Variants in WWOX observed in about 807,000 individuals in gnomAD.
WWOX encodes the protein WW domain containing oxidoreductase.
A neutral mutation model predicts 46.2 loss-of-function variants in WWOX; 69 were observed. The observed-to-expected ratio is 1.49, with a 90% CI of 1.23 to 1.82. The LOEUF (loss-of-function observed/expected upper bound fraction) is 1.82, where lower values mean the gene tolerates loss of function less well. Among genes scored for constraint, WWOX ranks in the 40% most tolerant of loss-of-function variants. The pLI is 0.00. For missense variants in WWOX, 919 were observed against 542.6 expected, an observed-to-expected ratio of 1.69 and a Z score of -6.89; for synonymous variants, 359 against 202.6, an observed-to-expected ratio of 1.77 and a Z score of -6.56.
At chr16:79,019,081 C>G (rs942809878) in intron 8 of WWOX, among the ~76,000 whole-genome samples, 3 of 139,572 alleles carry the variant, frequency 2.1e-5, no homozygotes, top group Non-Finnish European at 4.5e-5. Context: ...TCGCTTGAAC[C>G]TAGGAGGCAG....
chr16:79,096,814 A>G (rs1390360436), intron 8 of WWOX, among the ~76,000 whole-genome samples: 1 of 152,138 alleles, frequency 6.6e-6, no homozygotes, highest in Non-Finnish European at 1.5e-5. Flanking sequence ...TGATCTTAAT[A>G]CAGAAATTGA....
intron 5 of WWOX, among the ~76,000 whole-genome samples, chr16:78,354,369 A>G (rs1260386530): frequency 6.9e-6 from 1 of 145,260 alleles, no homozygotes; most frequent in Admixed American, 6.9e-5. Context: ...TAGACTTTGC[A>G]CATATTGTCA....
chr16:78,391,005 G>A (rs1355355942), intron 6 of WWOX, among the ~76,000 whole-genome samples: 1 of 152,162 alleles, frequency 6.6e-6, no homozygotes, highest in Non-Finnish European at 1.5e-5. Flanking sequence ...CATCTCAAGT[G>A]TTTCTCCACA....
At chr16:79,066,821 G>A (rs75198319) in intron 8 of WWOX, among the ~76,000 whole-genome samples, 1,631 of 152,322 alleles carry the variant, frequency 0.011, 18 homozygotes, top group Non-Finnish European at 0.016. Flanking sequence ...AATGTGGCTT[G>A]TCACCATTTT....
intron 5 of WWOX, among the ~76,000 whole-genome samples, chr16:78,255,948 G>A (rs1348658615): frequency 6.6e-6 from 1 of 151,904 alleles, no homozygotes; most frequent in Non-Finnish European, 1.5e-5. Flanking sequence ...TAAGGGGTTT[G>A]AGACCAGCCT....
At chr16:78,763,372 G>C (rs556753541) in intron 8 of WWOX, among the ~76,000 whole-genome samples, 3 of 152,122 alleles carry the variant, frequency 2.0e-5, no homozygotes, top group African/African-American at 7.2e-5. Context: ...ACTTGTTTCT[G>C]TTCATCCAGA....
intron 6 of WWOX, among the ~76,000 whole-genome samples, chr16:78,415,078 T>G (rs2082767968): frequency 7.0e-6 from 1 of 143,808 alleles, no homozygotes; most frequent in South Asian, 2.1e-4. Context: ...TATTTTAATA[T>G]AATATATATA....
At chr16:78,598,995 G>C (rs2045558895) in intron 8 of WWOX, among the ~76,000 whole-genome samples, 2 of 152,176 alleles carry the variant, frequency 1.3e-5, no homozygotes, top group Non-Finnish European at 2.9e-5. Flanking sequence ...GGCAGGGTCG[G>C]CATTGAGGTC....
intron 8 of WWOX, among the ~76,000 whole-genome samples, chr16:78,866,265 T>C (rs1157424689): frequency 1.3e-5 from 2 of 152,076 alleles, no homozygotes; most frequent in African/African-American, 4.8e-5. Context: ...TGCCTCGCTG[T>C]GCCACCAGGA....
chr16:78,594,327 T>G (rs759654008), intron 8 of WWOX, among the ~76,000 whole-genome samples: 1 of 149,998 alleles, frequency 6.7e-6, no homozygotes, highest in Non-Finnish European at 1.5e-5. Flanking sequence ...AGCAATACTC[T>G]CCAGCAGCAA....
Position 79,023,568 on chromosome 16 carries a change from C to G in WWOX, c.1057-188040C>G, listed in dbSNP as rs926394105. Among the ~76,000 whole-genome samples, 3 of 152,222 alleles carry G rather than the reference C, an allele frequency of 2.0e-5. No homozygotes were observed. In the East Asian group the frequency reaches 5.8e-4, roughly 29 times the overall value. On this transcript the variant is annotated intron_variant, in intron 8 of 8. Coordinates refer to ENST00000566780, the MANE Select transcript of WWOX (RefSeq NM_016373.4). Reference sequence around the variant, plus strand: ...GAGGACAGTGACCATCCACCACAGGCAAACATGTGTGTGTTAAAAAGGAAT... The same window carrying G: ...GAGGACAGTGACCATCCACCACAGGGAAACATGTGTGTGTTAAAAAGGAAT...
At chr16:78,663,755 G>C (rs2047268695) in intron 8 of WWOX, among the ~76,000 whole-genome samples, 1 of 152,058 alleles carries the variant, frequency 6.6e-6, no homozygotes, top group African/African-American at 2.4e-5. Context: ...CTTTTGAGGA[G>C]GTGACATTTG....
At chr16:78,795,923 G>T (rs186862498) in intron 8 of WWOX, among the ~76,000 whole-genome samples, 3 of 152,142 alleles carry the variant, frequency 2.0e-5, no homozygotes, top group African/African-American at 4.8e-5. Context: ...TTAAGTAAGC[G>T]AACGAAATGG....
intron 8 of WWOX, among the ~76,000 whole-genome samples, chr16:78,594,837 C>G (rs1175523696): frequency 4.6e-5 from 7 of 152,172 alleles, no homozygotes; most frequent in Non-Finnish European, 1.5e-5. Context: ...ATTTCATTTT[C>G]ATAGTTTCTC....
At chr16:78,592,687 G>A (rs538083815) in intron 8 of WWOX, among the ~76,000 whole-genome samples, 1 of 152,108 alleles carries the variant, frequency 6.6e-6, no homozygotes, top group African/African-American at 2.4e-5. Context: ...ATTGCATTTC[G>A]CTGCTGCTAA....
chr16:79,187,265 C>T (rs111743760), intron 8 of WWOX, among the ~76,000 whole-genome samples: 6 of 152,276 alleles, frequency 3.9e-5, no homozygotes, highest in African/African-American at 9.6e-5. Flanking sequence ...GAAAGCTAAA[C>T]GTGCTTATCT....
intron 8 of WWOX, among the ~76,000 whole-genome samples, chr16:79,193,874 A>T (rs954344974): frequency 6.6e-6 from 1 of 152,206 alleles, no homozygotes; most frequent in African/African-American, 2.4e-5. Flanking sequence ...CCAGTAACCT[A>T]CAGAAGCAAC....
At chr16:78,563,688 TA>T (rs2044495234) in intron 8 of WWOX, among the ~76,000 whole-genome samples, 3 of 152,288 alleles carry the variant, frequency 2.0e-5, no homozygotes, top group Admixed American at 6.5e-5. Flanking sequence ...GATTCATTAA[TA>T]TCCCTTGTTA....
At chr16:78,781,438 C>T (rs887172916) in intron 8 of WWOX, among the ~76,000 whole-genome samples, 1 of 152,148 alleles carries the variant, frequency 6.6e-6, no homozygotes, top group Admixed American at 6.5e-5. Context: ...ACCATCCTCA[C>T]CAGGAAGGAG....
Sources: gnomAD v4.1 joint callset for allele counts (sites outside exome capture counted in the v4.1 genomes callset) on GRCh38, gnomAD v4.1.1 for gene constraint, MANE v1.5 for transcripts, NCBI Gene and HGNC (gene_info 2026-07-23, HGNC 2026-07-21) for gene names.